The following MANBA variants were observed in gnomAD, a reference collection of about 807,000 sequenced individuals.
MANBA encodes beta-mannosidase.
Under a neutral mutation model 111.1 loss-of-function variants are expected in MANBA, and 83 were observed. That is an observed-to-expected ratio of 0.75 (90% CI 0.63 to 0.90). The LOEUF is 0.90. Ranked by LOEUF, MANBA falls within the 40% of genes least tolerant of loss-of-function variation. The pLI is 0.00. For missense variants in MANBA, 1,036 were observed against 1,069.0 expected, an observed-to-expected ratio of 0.97 and a Z score of 0.43; for synonymous variants, 370 against 378.7, an observed-to-expected ratio of 0.98 and a Z score of 0.27.
intron 2 of MANBA, among the ~76,000 whole-genome samples, chr4:102,724,721 G>A (rs143355656): frequency 6.6e-6 from 1 of 152,282 alleles, no homozygotes; most frequent in East Asian, 1.9e-4. Flanking sequence ...TGTACTTAAG[G>A]AGTCTGCAAT....
At chr4:102,740,718 G>A (rs1379163483) in intron 1 of MANBA, among the ~76,000 whole-genome samples, 1 of 152,094 alleles carries the variant, frequency 6.6e-6, no homozygotes, top group African/African-American at 2.4e-5. Flanking sequence ...TTCAACAAAT[G>A]ATGCTGGGAT....
intron 7 of MANBA, among the ~76,000 whole-genome samples, chr4:102,681,844 G>T (rs1352677118): frequency 6.6e-6 from 1 of 152,090 alleles, no homozygotes; most frequent in African/African-American, 2.4e-5. Flanking sequence ...GGGAATGACT[G>T]TATAACTAAG....
At position 102,760,855 on chromosome 4, in the gene MANBA, C is replaced by CA; in HGVS notation, c.39dup (p.Ala14CysfsTer53). 1 of 1,571,542 alleles carries CA rather than the reference C, an allele frequency of 6.4e-7. No homozygotes were observed. On this transcript the variant is annotated frameshift_variant, in exon 1 of 17. Transcript: ENST00000647097. LOFTEE classifies it high-confidence loss of function. ...CTGAGCTCCGCGGCGGTGGTGCCTG[C>CA]ACCGCACAGCGCGAGCAGCAGGAGC...
At chr4:102,745,401 A>G (rs993718781) in intron 1 of MANBA, among the ~76,000 whole-genome samples, 7 of 152,316 alleles carry the variant, frequency 4.6e-5, no homozygotes, top group Non-Finnish European at 8.8e-5. Context: ...TCTGACATAC[A>G]GAGAAGAGCA....
chr4:102,716,456 C>T (rs1340562059), intron 4 of MANBA, among the ~76,000 whole-genome samples: 1 of 151,860 alleles, frequency 6.6e-6, no homozygotes, highest in Non-Finnish European at 1.5e-5. Context: ...AGCCCAAAAG[C>T]AATCAGTTCG....
intron 16 of MANBA, among the ~76,000 whole-genome samples, chr4:102,632,700 A>T (rs770519960): frequency 2.0e-5 from 3 of 152,252 alleles, no homozygotes; most frequent in Admixed American, 6.5e-5. Context: ...TCCTGAAAAG[A>T]TCCAGCAATC....
At chr4:102,711,518 G>C (rs1722061989) in intron 5 of MANBA, among the ~76,000 whole-genome samples, 1 of 152,154 alleles carries the variant, frequency 6.6e-6, no homozygotes, top group African/African-American at 2.4e-5. Flanking sequence ...GTGGGAATAT[G>C]AGTGAGTACA....
chr4:102,729,623 G>A (rs1722952795), intron 1 of MANBA: 8 of 1,016,262 alleles, frequency 7.9e-6, no homozygotes, highest in Non-Finnish European at 1.3e-5. Context: ...TACACTTATT[G>A]ATCTCATCCT....
chr4:102,632,220 G>A lies in MANBA; in HGVS notation c.2477C>T (p.Pro826Leu), dbSNP rs763748346. Residue 826 changes from proline (P) to leucine (L), a missense_variant, in exon 17 of 17, where the codon CCC becomes CTC. Pro to Leu is a moderately conservative substitution (Grantham distance 98). Transcript: ENST00000647097. ...GCTTCCTACATCCAACCAAACAAAGGGAGCGACAGCTGAGGTCTCCAGGTC... is the reference window on the plus strand; with the variant it reads ...GCTTCCTACATCCAACCAAACAAAGAGAGCGACAGCTGAGGTCTCCAGGTC... ...VFDLETSAVA[P>L]FVWLDVGSIP... 53 of 1,613,752 alleles carry A rather than the reference G, an allele frequency of 3.3e-5. No homozygotes were observed. Among genetic ancestry groups the A allele is most frequent in the Non-Finnish European group, 4.4e-5 (52 of 1,179,850 alleles).
At chr4:102,700,602 T>A (rs959522768) in intron 5 of MANBA, among the ~76,000 whole-genome samples, 2 of 152,220 alleles carry the variant, frequency 1.3e-5, no homozygotes, top group Non-Finnish European at 2.9e-5. Context: ...ATTTCTGCCT[T>A]CATTTCGTTA....
chr4:102,707,250 G>A (rs554471570), intron 5 of MANBA, among the ~76,000 whole-genome samples: 8 of 152,182 alleles, frequency 5.3e-5, no homozygotes, highest in South Asian at 4.1e-4. Flanking sequence ...CAGCAAAAAC[G>A]TCACAGGCCA....
intron 8 of MANBA, among the ~76,000 whole-genome samples, chr4:102,673,606 AT>A (rs980576224): frequency 2.6e-5 from 4 of 152,086 alleles, no homozygotes; most frequent in Non-Finnish European, 5.9e-5. Flanking sequence ...TGAATGTAAT[AT>A]TTTTTTCGGA....
chr4:102,670,580 A>T (rs750193582), intron 9 of MANBA, among the ~76,000 whole-genome samples: 8 of 152,218 alleles, frequency 5.3e-5, no homozygotes, highest in Non-Finnish European at 1.0e-4. Flanking sequence ...ACAGTGGCTC[A>T]CACCTGTAAT....
chr4:102,677,960 G>A (rs754619129), intron 7 of MANBA, among the ~76,000 whole-genome samples: 3 of 151,808 alleles, frequency 2.0e-5, no homozygotes, highest in Non-Finnish European at 1.5e-5. Flanking sequence ...GGTAAATATC[G>A]GTACATATAA....
rs1406570014 is a variant in MANBA at position 102,692,272 on chromosome 4, G to A, written c.674-1501C>T. On this transcript the variant is annotated intron_variant, in intron 5 of 16. Transcript: ENST00000647097. The stretch of plus-strand genomic sequence containing the variant: ...GAACAGAGAGGAGGCAAAGAAGAGT[G>A]TTGATCAGAAAGAAGAGAAAACAAG... 2.6e-5 allele frequency among the ~76,000 whole-genome samples: 4 copies of A among 152,154 alleles called. No homozygotes were observed. In the East Asian group the frequency reaches 5.8e-4, roughly 22 times the overall value.
At chr4:102,715,667 C>T (rs1412971216) in intron 4 of MANBA, among the ~76,000 whole-genome samples, 2 of 152,162 alleles carry the variant, frequency 1.3e-5, no homozygotes, top group East Asian at 3.9e-4. Context: ...TTCTGGCAGG[C>T]CCCAGGGTGT....
intron 9 of MANBA, among the ~76,000 whole-genome samples, chr4:102,670,388 G>A (rs1731442780): frequency 6.6e-6 from 1 of 151,996 alleles, no homozygotes; most frequent in Non-Finnish European, 1.5e-5. Context: ...GAATATTATA[G>A]AATATTGTCA....
At chr4:102,701,344 AT>A (rs940502732) in intron 5 of MANBA, among the ~76,000 whole-genome samples, 79 of 151,930 alleles carry the variant, frequency 5.2e-4, no homozygotes, top group African/African-American at 1.8e-3. Context: ...TAATTGGAGC[AT>A]TTAGTCCATT....
chr4:102,636,096 G>A, intron 14 of MANBA, 89 bp from the exon 15 acceptor site: 3 of 1,158,202 alleles, frequency 2.6e-6, no homozygotes, highest in Non-Finnish European at 3.8e-6. Context: ...GGCTCATCGG[G>A]GTTCTAAGGG....
Sources: gnomAD v4.1 joint callset for allele counts (sites outside exome capture counted in the v4.1 genomes callset) on GRCh38, gnomAD v4.1.1 for gene constraint, MANE v1.5 for transcripts, NCBI Gene and HGNC (gene_info 2026-07-23, HGNC 2026-07-21) for gene names.